RELN: variants seen among roughly 807,000 people sequenced by gnomAD.
RELN encodes reelin.
In RELN, 108 loss-of-function variants were observed where a neutral mutation model predicts 427.6. The observed-to-expected ratio is 0.25, with a 90% CI of 0.22 to 0.30. RELN has a LOEUF of 0.30. RELN is among the 10% of genes least tolerant of loss of function. The pLI, the probability that RELN is intolerant of heterozygous loss-of-function variation, is 1.00. For missense variants in RELN, 3,715 were observed against 4,302.8 expected (o/e 0.86, Z 3.82); for synonymous variants, 1,524 against 1,513.4 (o/e 1.01, Z -0.16).
At chr7:103,605,082 G>A (rs1363401793) in intron 22 of RELN, among the ~76,000 whole-genome samples, 1 of 152,054 alleles carries the variant, frequency 6.6e-6, no homozygotes, top group African/African-American at 2.4e-5. Flanking sequence ...CACCCGCCTT[G>A]GCCTCCCAAA....
intron 20 of RELN, among the ~76,000 whole-genome samples, chr7:103,624,750 G>T (rs1002204725): frequency 2.0e-5 from 3 of 152,056 alleles, no homozygotes; most frequent in Non-Finnish European, 4.4e-5. Flanking sequence ...ATTCACAGCT[G>T]ATTTCACTTT....
chr7:103,958,091 C>T (rs1490479577), intron 1 of RELN, among the ~76,000 whole-genome samples: 1 of 152,202 alleles, frequency 6.6e-6, no homozygotes. Flanking sequence ...ATAGTATCTA[C>T]CTCACTGTGT....
intron 57 of RELN, among the ~76,000 whole-genome samples, chr7:103,494,352 T>C (rs1480117373): frequency 6.6e-6 from 1 of 151,036 alleles, no homozygotes; most frequent in African/African-American, 2.5e-5. Context: ...ACAATACATT[T>C]CTGTAATGAC....
intron 22 of RELN, among the ~76,000 whole-genome samples, chr7:103,609,888 G>T (rs948498877): frequency 2.0e-5 from 3 of 152,082 alleles, no homozygotes; most frequent in Admixed American, 6.6e-5. Flanking sequence ...AGAACTACAG[G>T]ACTGGAGGGA....
At chr7:103,532,218 A>T (rs960097034) in intron 46 of RELN, among the ~76,000 whole-genome samples, 1 of 152,198 alleles carries the variant, frequency 6.6e-6, no homozygotes, top group African/African-American at 2.4e-5. Flanking sequence ...ATATGTTCTC[A>T]CTTATAAGTG....
intron 8 of RELN, among the ~76,000 whole-genome samples, chr7:103,706,610 G>A (rs1834206825): frequency 6.6e-6 from 1 of 151,782 alleles, no homozygotes; most frequent in Admixed American, 6.6e-5. Flanking sequence ...TTCTCCTGGT[G>A]TACAAAACAC....
chr7:103,902,980 C>G (rs1224597330), intron 2 of RELN, among the ~76,000 whole-genome samples: 1 of 152,056 alleles, frequency 6.6e-6, no homozygotes, highest in Admixed American at 6.6e-5. Context: ...ATTTAACTGC[C>G]AGGAAAAGTC....
rs1287038020 is a variant in RELN at position 103,603,453 on chromosome 7, C to G, written c.3184G>C (p.Glu1062Gln). The G allele has an allele frequency of 6.2e-7, 1 of 1,613,920 alleles. No homozygotes were observed. The highest frequency in any genetic ancestry group is 1.7e-5 in the Admixed American group (1 of 60,002). ...QGYQGTECHPEAALPSTIMSD... is the reference protein window; with the variant it reads ...QGYQGTECHPQAALPSTIMSD... ...ATAATTGTGGACGGAAGGGCAGCTT[C>G]TGGGTGGCATTCAGTGCCTTGGTAC... The change falls in exon 24 of 65, where the codon GAA becomes CAA. Residue 1062 changes from glutamate (E) to glutamine (Q), a missense_variant. Physicochemically the swap from Glu to Gln is conservative, Grantham distance 29. This residue lies in a region of RELN where 2,208 missense variants were observed against 2,361.7 expected (regional missense o/e 0.93). Transcript: ENST00000428762. This position sits in a 1 kb window ranked among gnomAD's most constrained non-coding sequence, Gnocchi z 4.3.
At chr7:103,609,353 A>C (rs1831894890) in intron 22 of RELN, among the ~76,000 whole-genome samples, 1 of 152,206 alleles carries the variant, frequency 6.6e-6, no homozygotes, top group African/African-American at 2.4e-5. Flanking sequence ...AATAAACCTC[A>C]GTAGCTCTGC....
At chr7:103,797,646 T>G (rs2116297549) in intron 3 of RELN, among the ~76,000 whole-genome samples, 1 of 152,310 alleles carries the variant, frequency 6.6e-6, no homozygotes, top group Middle Eastern at 3.4e-3. Flanking sequence ...TGAGACCCCT[T>G]TTGTAAATAC....
intron 3 of RELN, among the ~76,000 whole-genome samples, chr7:103,782,891 C>T (rs920768025): frequency 5.3e-5 from 8 of 152,082 alleles, no homozygotes; most frequent in African/African-American, 1.9e-4. Flanking sequence ...TTTCTATCTA[C>T]TGCTTTGTTA....
At chr7:103,888,738 A>C (rs1794779350) in intron 2 of RELN, among the ~76,000 whole-genome samples, 1 of 152,120 alleles carries the variant, frequency 6.6e-6, no homozygotes, top group Admixed American at 6.5e-5. Context: ...CCTAACAGAC[A>C]CAGGCCTGCA....
chr7:103,828,347 C>T (rs73416941), intron 3 of RELN, among the ~76,000 whole-genome samples: 17,039 of 151,952 alleles, frequency 0.11, 1,048 homozygotes, highest in African/African-American at 0.14. Context: ...AACTATCCCT[C>T]TAGGAGATAC....
chr7:103,980,057 A>G (rs1796959394), intron 1 of RELN, among the ~76,000 whole-genome samples: 1 of 151,834 alleles, frequency 6.6e-6, no homozygotes, highest in African/African-American at 2.4e-5. Context: ...GCTACTCAGG[A>G]GGCTGAGGCA....
chr7:103,550,480 ACTTTT>A (rs977066704), intron 41 of RELN, among the ~76,000 whole-genome samples: 3 of 152,094 alleles, frequency 2.0e-5, no homozygotes, highest in African/African-American at 7.2e-5. Context: ...TTTGAAATAT[ACTTTT>A]CATTTCATTT....
chr7:103,560,649 C>T (rs1830622311), intron 36 of RELN, among the ~76,000 whole-genome samples: 1 of 152,118 alleles, frequency 6.6e-6, no homozygotes, highest in Admixed American at 6.5e-5. Context: ...AATCCCGCTG[C>T]CCCCAAAACC....
At chr7:103,601,900 T>G (rs965275004) in intron 24 of RELN, among the ~76,000 whole-genome samples, 1 of 152,156 alleles carries the variant, frequency 6.6e-6, no homozygotes, top group African/African-American at 2.4e-5. Flanking sequence ...AATCTGGTGC[T>G]ACCACTAGGG....
chr7:103,638,062 A>T (rs1255280999), intron 17 of RELN, among the ~76,000 whole-genome samples: 1 of 142,916 alleles, frequency 7.0e-6, no homozygotes, highest in Admixed American at 7.0e-5. Context: ...GTAGTTTTTT[A>T]AAAATATTTT....
chr7:103,708,644 T>C (rs1789705742), intron 8 of RELN, among the ~76,000 whole-genome samples: 1 of 151,846 alleles, frequency 6.6e-6, no homozygotes, highest in Admixed American at 6.6e-5. Context: ...TTTGTATTTT[T>C]AGTAGAAACG....
Sources: allele counts gnomAD v4.1 joint callset (sites outside exome capture counted in the v4.1 genomes callset), GRCh38; gene constraint gnomAD v4.1.1; regional missense constraint gnomAD v4.1.1; non-coding constraint Gnocchi (gnomAD v3.1); transcripts MANE v1.5; gene names NCBI Gene and HGNC (gene_info 2026-07-23, HGNC 2026-07-21).